Variants in TMED9 observed in about 807,000 individuals in gnomAD.
TMED9 encodes transmembrane p24 trafficking protein 9.
TMED9 carries 22 observed loss-of-function variants against 30.6 expected under a neutral mutation model. The observed-to-expected ratio is 0.72, with a 90% CI of 0.51 to 1.03. The LOEUF (loss-of-function observed/expected upper bound fraction) is 1.03, where lower values mean the gene tolerates loss of function less well. Ranked by LOEUF, TMED9 falls within the 50% of genes least tolerant of loss-of-function variation. The pLI, the probability that TMED9 is intolerant of heterozygous loss-of-function variation, is 0.00. For synonymous variants in TMED9, 146 were observed against 122.8 expected (o/e 1.19, Z -1.25); for missense variants, 251 against 302.1 (o/e 0.83, Z 1.25).
chr5:177,592,540 C>T (rs1047923038), intron 1 of TMED9, 35 bp from the exon 2 acceptor site: 24 of 1,593,332 alleles, frequency 1.5e-5, no homozygotes, highest in Non-Finnish European at 2.0e-5. Flanking sequence ...CCACCTCGCG[C>T]TCCTCTGACC....
chr5:177,592,834 GATTA>G (rs1767616388), intron 2 of TMED9, among the ~76,000 whole-genome samples, 159 bp downstream of exon 2: 1 of 152,120 alleles, frequency 6.6e-6, no homozygotes, highest in Non-Finnish European at 1.5e-5. Flanking sequence ...GAAATGGGCG[GATTA>G]ATTGTGGTGA....
chr5:177,592,279 T>A lies in TMED9; in HGVS notation c.65T>A (p.Met22Lys). The change falls in exon 1 of 5, where the codon ATG becomes AAG. Residue 22 changes from methionine (M) to lysine (K), a missense_variant. By Grantham distance (95) the Met-to-Lys change is moderately conservative. This residue lies in a region of TMED9 where 98 missense variants were observed against 62.5 expected (regional missense o/e 1.57). Coordinates refer to ENST00000332598, the MANE Select transcript of TMED9 (RefSeq NM_017510.6). ...CCCGGAACCGGGCTGGGTAGAGTGATGCGGACCCTCCTGCTGGTGCTGTGG... is the reference window on the plus strand; with the variant it reads ...CCCGGAACCGGGCTGGGTAGAGTGAAGCGGACCCTCCTGCTGGTGCTGTGG... ...PRPGTGLGRV[M>K]RTLLLVLWLA... 6.2e-7 allele frequency: 1 copy of A among 1,611,872 alleles called. No homozygotes were observed. The highest frequency in any genetic ancestry group is 8.5e-7 in the Non-Finnish European group (1 of 1,179,136).
intron 3 of TMED9, 174 bp from the exon 4 acceptor site, chr5:177,593,965 C>T (rs1994354): frequency 0.1 from 117,573 of 1,175,830 alleles, 8,108 homozygotes; most frequent in East Asian, 0.31. Context: ...AGCACCAGCC[C>T]AGGCTTAATA....
intron 4 of TMED9, among the ~76,000 whole-genome samples, chr5:177,594,725 T>C (rs1767653145): frequency 6.6e-6 from 1 of 152,260 alleles, no homozygotes; most frequent in African/African-American, 2.4e-5. Context: ...GCTTTACAGA[T>C]GTTCCATTTT....
rs995529509 is a variant in TMED9, at chr5:177,595,665, C to G, written c.*249C>G. ...GTAATCACCCAAGGGCTGGTAAAGC[C>G]CCTCCTCTTGGCACCTCAGAATCAC... On this transcript the variant is annotated 3_prime_UTR_variant, in exon 5 of 5. Transcript: ENST00000332598. 1 of 247,434 alleles carries G rather than the reference C, an allele frequency of 4.0e-6. No individual in the cohort carries two copies. The highest frequency in any genetic ancestry group is 1.2e-4 in the South Asian group (1 of 8,368). The allele number at this position is 247,434 out of a possible 1,614,324, so 15.3% of individuals were successfully genotyped here.
rs1490433742 is a variant in TMED9 at position 177,595,564 on chromosome 5, CAGCAGCTTGGCTAATACTG to C, written c.*154_*172del. The C allele has an allele frequency of 2.0e-6, 2 of 980,512 alleles. No individual in the cohort carries two copies. Among genetic ancestry groups the C allele is most frequent in the African/African-American group, 3.3e-5 (2 of 60,824 alleles). 60.7% of individuals were successfully genotyped at this position (980,512 alleles called of 1,614,324 possible). ...GGCACCCACAGGCACAAGCTGAAGG[CAGCAGCTTGGCTAATACTG>C]AGCAGGTAGTGGGGCAAATTCCTGC... On this transcript the variant is annotated 3_prime_UTR_variant, in exon 5 of 5. Coordinates refer to ENST00000332598, the MANE Select transcript of TMED9 (RefSeq NM_017510.6).
intron 1 of TMED9, 86 bp downstream of exon 1, chr5:177,592,484 C>T (rs1283261767): frequency 4.5e-6 from 7 of 1,552,474 alleles, no homozygotes; most frequent in East Asian, 2.4e-5. Context: ...TCTCTAGAGC[C>T]GGGAGGAGAC....
In TMED9 at chr5:177,592,692, CCT is replaced by C; in HGVS notation, c.285+19_285+20del. 3 of 1,555,170 alleles carry C rather than the reference CCT, an allele frequency of 1.9e-6. No individual in the cohort carries two copies. The Admixed American group carries it at 5.6e-5, about 29-fold the overall frequency. On this transcript the variant is annotated intron_variant, in intron 2 of 4. Coordinates refer to ENST00000332598, the MANE Select transcript of TMED9 (RefSeq NM_017510.6). ...GAGGACAAGGTGAGCCAACCGCCCC[CCT>C]CCTCTCCGCCAGCCTCTCAGCTAGG...
At position 177,592,568 on chromosome 5, in the gene TMED9, C is replaced by T. The variant is rs1218704300; in HGVS notation, c.185-7C>T. 2 of 1,611,720 alleles carry T rather than the reference C, an allele frequency of 1.2e-6. No homozygotes were observed. Among genetic ancestry groups the T allele is most frequent in the Non-Finnish European group, 1.7e-6 (2 of 1,179,000 alleles). ...CTCTGACCTGGGCTCGCCCTGCTTC[C>T]CTCAAGGAAACTACCGGACGCAGCT... On this transcript the variant is annotated splice_polypyrimidine_tract_variant and splice_region_variant and intron_variant, in intron 1 of 4. Transcript: ENST00000332598.
chr5:177,592,351 A>G lies in TMED9; in HGVS notation c.137A>G (p.Glu46Gly), dbSNP rs1236042698. The G allele has an allele frequency of 2.5e-6, 4 of 1,605,456 alleles. No individual in the cohort carries two copies. Among genetic ancestry groups the G allele is most frequent in the East Asian group, 4.5e-5 (2 of 44,566 alleles). Reference sequence around the variant, plus strand: ...CTCTACTTTCACATCGGAGAGACGGAGAAGAAGTGCTTTATTGAGGAGATC... The same window carrying G: ...CTCTACTTTCACATCGGAGAGACGGGGAAGAAGTGCTTTATTGAGGAGATC... ...SALYFHIGETEKKCFIEEIPD... is the reference protein window; with the variant it reads ...SALYFHIGETGKKCFIEEIPD... The change falls in exon 1 of 5, where the codon GAG (glutamate) becomes GGG (glycine). Residue 46 changes from glutamate to glycine, a missense_variant. Physicochemically the swap from Glu to Gly is moderately conservative, Grantham distance 98. Coordinates refer to ENST00000332598, the MANE Select transcript of TMED9 (RefSeq NM_017510.6).
intron 2 of TMED9, among the ~76,000 whole-genome samples, chr5:177,593,022 T>C (rs2127507388): frequency 6.6e-6 from 1 of 152,120 alleles, no homozygotes. Context: ...AAAAAACTCA[T>C]GGCGGGGTGT....
At position 177,594,389 on chromosome 5, in the gene TMED9, C is replaced by A. The variant is rs865948525; in HGVS notation, c.558+104C>A. 3.7e-5 allele frequency: 51 copies of A among 1,390,956 alleles called. No individual in the cohort carries two copies. The East Asian group carries it at 8.9e-4, about 24-fold the overall frequency. The allele number at this position is 1,390,956 out of a possible 1,614,324, so 86.2% of individuals were successfully genotyped here. On this transcript the variant is annotated intron_variant, in intron 4 of 4. Transcript: ENST00000332598. Reference sequence around the variant, plus strand: ...CATTCTGAGACCCCCAAGGGACTTACCTGCACTGCATTGTAGGTCGTGGGG... The same window carrying A: ...CATTCTGAGACCCCCAAGGGACTTAACTGCACTGCATTGTAGGTCGTGGGG...
chr5:177,595,133 A>C (rs1767664440), intron 4 of TMED9, 134 bp from the exon 5 acceptor site: 1 of 912,254 alleles, frequency 1.1e-6, no homozygotes, highest in East Asian at 2.8e-5. Flanking sequence ...GATAGTCCCC[A>C]GGTAGAGTGA....
chr5:177,593,416 A>T, intron 2 of TMED9: 1 of 495,828 alleles, frequency 2.0e-6, no homozygotes, highest in South Asian at 3.4e-5. Context: ...CCTTCCCAAG[A>T]GCAGTCAGTC....
At chr5:177,593,842 TG>T in intron 3 of TMED9, 67 bp downstream of exon 3, 1 of 1,593,788 alleles carries the variant, frequency 6.3e-7, no homozygotes, top group Non-Finnish European at 8.6e-7. Context: ...GGGGGACTGG[TG>T]GTGCTGTGGG....
Position 177,592,359 on chromosome 5 carries a change from T to C in TMED9, c.145T>C (p.Cys49Arg). ...YFHIGETEKK[C>R]FIEEIPDETM... The stretch of plus-strand genomic sequence containing the variant: ...TCACATCGGAGAGACGGAGAAGAAG[T>C]GCTTTATTGAGGAGATCCCGGACGA... Residue 49 changes from cysteine to arginine, a missense_variant, in exon 1 of 5, where the codon TGC becomes CGC. Physicochemically the swap from Cys to Arg is radical, Grantham distance 180 (BLOSUM62 -3). Around this residue, in one of 2 missense-constraint regions of TMED9, gnomAD observed 153 missense variants for 239.6 expected, o/e 0.64. Transcript: ENST00000332598. 6.2e-7 allele frequency: 1 copy of C among 1,604,484 alleles called. No homozygotes were observed. Among genetic ancestry groups the C allele is most frequent in the Non-Finnish European group, 8.5e-7 (1 of 1,175,714 alleles).
In TMED9 at chr5:177,592,232, C is replaced by T. The variant is rs770165104; in HGVS notation, c.18C>T (p.Gly6=). The T allele has an allele frequency of 6.8e-6, 11 of 1,607,220 alleles. No individual in the cohort carries two copies. The African/African-American group carries it at 8.0e-5, about 12-fold the overall frequency. MAVEL[G]VLLVRPRPGT... is the part of the protein sequence containing the mutation. ...GGAGCAAGATGGCTGTGGAGCTGGG[C>T]GTGCTGCTCGTCCGGCCCCGGCCCG... The change falls in exon 1 of 5, where the codon GGC becomes GGT. Residue 6 remains glycine (G), a synonymous_variant. Coordinates refer to ENST00000332598, the MANE Select transcript of TMED9 (RefSeq NM_017510.6).
chr5:177,592,284 A>T lies in TMED9; in HGVS notation c.70A>T (p.Thr24Ser), dbSNP rs139247267. 1.1e-4 allele frequency: 178 copies of T among 1,611,570 alleles called. 1 individual carries two copies. The Middle Eastern group carries it at 2.0e-3, about 18-fold the overall frequency. ...AACCGGGCTGGGTAGAGTGATGCGG[A>T]CCCTCCTGCTGGTGCTGTGGCTGGC... ...PGTGLGRVMR[T>S]LLLVLWLATR... Residue 24 changes from threonine (T) to serine (S), a missense_variant, in exon 1 of 5, where the codon ACC (threonine) becomes TCC (serine). Physicochemically the swap from Thr to Ser is moderately conservative, Grantham distance 58. Around this residue, in one of 2 missense-constraint regions of TMED9, gnomAD observed 98 missense variants for 62.5 expected, o/e 1.57. Coordinates refer to ENST00000332598, the MANE Select transcript of TMED9 (RefSeq NM_017510.6).
In TMED9 at chr5:177,596,394, T is replaced by C. The variant is rs1438495475; in HGVS notation, c.*978T>C. ...TCTTTCTAGAGTCAGTAAGCAGGAT[T>C]GTCATGGATGCTGCCAGGAAGTGCC... is the stretch of plus-strand genomic sequence containing the variant. On this transcript the variant is annotated 3_prime_UTR_variant, in exon 5 of 5. Coordinates refer to ENST00000332598, the MANE Select transcript of TMED9 (RefSeq NM_017510.6). Among the ~76,000 whole-genome samples, 2 of 152,208 alleles carry C rather than the reference T, an allele frequency of 1.3e-5. No individual in the cohort carries two copies. Among genetic ancestry groups the C allele is most frequent in the African/African-American group, 4.8e-5 (2 of 41,442 alleles).
Sources: allele counts gnomAD v4.1 joint callset (sites outside exome capture counted in the v4.1 genomes callset), GRCh38; gene constraint gnomAD v4.1.1; regional missense constraint gnomAD v4.1.1; transcripts MANE v1.5; gene names NCBI Gene and HGNC (gene_info 2026-07-23, HGNC 2026-07-21).